PABPC4L: variants seen among roughly 807,000 people sequenced by gnomAD.
PABPC4L encodes the protein poly(A) binding protein cytoplasmic 4 like.
For missense variants in PABPC4L, 452 were observed against 451.4 expected (o/e 1.00, Z -0.01); for synonymous variants, 169 against 164.1 (o/e 1.03, Z -0.23).
At chr4:134,039,960 T>C in the PABPC4L span, among the ~76,000 whole-genome samples, 1 of 151,968 alleles carries the variant, frequency 6.6e-6, no homozygotes, top group African/African-American at 2.4e-5. Flanking sequence ...TGAGCTCCCT[T>C]TCACAATTGC....
chr4:134,052,910 A>G, the PABPC4L span, among the ~76,000 whole-genome samples: 1 of 152,128 alleles, frequency 6.6e-6, no homozygotes, highest in Non-Finnish European at 1.5e-5. Flanking sequence ...TTGGTGTTAC[A>G]TAAAACCTAA....
the PABPC4L span, among the ~76,000 whole-genome samples, chr4:134,084,773 C>G: frequency 6.6e-6 from 1 of 152,080 alleles, no homozygotes; most frequent in African/African-American, 2.4e-5. Context: ...TGTTCAATGT[C>G]TCTGAGCCCT....
At chr4:134,091,721 A>G in the PABPC4L span, among the ~76,000 whole-genome samples, 1 of 151,870 alleles carries the variant, frequency 6.6e-6, no homozygotes, top group Admixed American at 6.6e-5. Flanking sequence ...TAAAATCAGA[A>G]TTGGATGTTA....
the PABPC4L span, among the ~76,000 whole-genome samples, chr4:134,139,724 T>A: frequency 6.6e-6 from 1 of 151,788 alleles, no homozygotes; most frequent in East Asian, 1.9e-4. Flanking sequence ...GACAACACTT[T>A]GCTATGCCCA....
At chr4:134,173,159 C>CA in the PABPC4L span, among the ~76,000 whole-genome samples, 29,659 of 77,830 alleles carry the variant, frequency 0.38, 6,372 homozygotes, top group East Asian at 0.89. Flanking sequence ...GGAGATTCCT[C>CA]AAAAAAAAAA....
At chr4:134,028,770 C>T in the PABPC4L span, among the ~76,000 whole-genome samples, 1 of 152,130 alleles carries the variant, frequency 6.6e-6, no homozygotes, top group Non-Finnish European at 1.5e-5. Context: ...TGCAAACTCT[C>T]ATTAGCACTC....
the PABPC4L span, among the ~76,000 whole-genome samples, chr4:133,997,404 T>G: frequency 6.6e-6 from 1 of 151,996 alleles, no homozygotes. Context: ...CTCATGAAGA[T>G]GTACAATAAG....
chr4:134,137,747 C>T, the PABPC4L span, among the ~76,000 whole-genome samples: 1 of 151,870 alleles, frequency 6.6e-6, no homozygotes, highest in African/African-American at 2.4e-5. Context: ...TTCCATCCTA[C>T]ATTCTTTCTA....
chr4:134,065,353 G>T, the PABPC4L span, among the ~76,000 whole-genome samples: 3 of 151,878 alleles, frequency 2.0e-5, no homozygotes, highest in Admixed American at 6.6e-5. Context: ...TAGTGATGTT[G>T]AGCATTTTTT....
chr4:134,199,149 T>A lies in PABPC4L; in HGVS notation c.*758A>T, dbSNP rs1578883721. 1 of 152,142 alleles carries A rather than the reference T, an allele frequency of 6.6e-6. No homozygotes were observed. The highest frequency in any genetic ancestry group is 1.9e-4 in the East Asian group (1 of 5,190). 9.4% of individuals were successfully genotyped at this position (152,142 alleles called of 1,614,324 possible). A position where few individuals can be genotyped will look rare whatever the true frequency, so the allele number is the denominator to read the frequency against. ...CCAGGCCAACTTTGGATCACCTGAGTTGATAACAGATTTATAACTTAAGGA... is the reference window on the plus strand; with the variant it reads ...CCAGGCCAACTTTGGATCACCTGAGATGATAACAGATTTATAACTTAAGGA... On this transcript the variant is annotated 3_prime_UTR_variant, in exon 2 of 2. Coordinates refer to ENST00000421491, the MANE Select transcript of PABPC4L (RefSeq NM_001114734.2).
chr4:134,171,454 C>T, the PABPC4L span, among the ~76,000 whole-genome samples: 2 of 152,030 alleles, frequency 1.3e-5, no homozygotes, highest in Admixed American at 1.3e-4. Flanking sequence ...TGTACTTTGC[C>T]CACTTTTAAA....
the PABPC4L span, among the ~76,000 whole-genome samples, chr4:134,049,415 A>G: frequency 6.6e-6 from 1 of 152,160 alleles, no homozygotes; most frequent in African/African-American, 2.4e-5. Flanking sequence ...AAAGCATACA[A>G]TTGAGGAAAA....
the PABPC4L span, among the ~76,000 whole-genome samples, chr4:134,043,871 A>G: frequency 1.3e-5 from 2 of 151,888 alleles, no homozygotes; most frequent in South Asian, 2.1e-4. Flanking sequence ...ATTAAGGTTT[A>G]TTGATAGTTC....
the PABPC4L span, among the ~76,000 whole-genome samples, chr4:133,998,760 T>C: frequency 1.3e-5 from 2 of 151,860 alleles, no homozygotes; most frequent in Non-Finnish European, 1.5e-5. Context: ...AATGTTGGCA[T>C]GGAGTTGGAT....
the PABPC4L span, among the ~76,000 whole-genome samples, chr4:134,142,157 T>G: frequency 6.6e-6 from 1 of 151,732 alleles, no homozygotes; most frequent in South Asian, 2.1e-4. Flanking sequence ...TAGTCCCAAG[T>G]TTTTCAAAGA....
chr4:134,087,819 C>G, the PABPC4L span, among the ~76,000 whole-genome samples: 2 of 152,274 alleles, frequency 1.3e-5, no homozygotes, highest in African/African-American at 4.8e-5. Flanking sequence ...CCTTTTCCCT[C>G]TGGCCTCTCG....
the PABPC4L span, among the ~76,000 whole-genome samples, chr4:134,043,358 C>A: frequency 1.3e-5 from 2 of 152,064 alleles, no homozygotes; most frequent in Non-Finnish European, 2.9e-5. Context: ...AGAATAATAA[C>A]TGGAACGATA....
the PABPC4L span, among the ~76,000 whole-genome samples, chr4:134,098,316 A>G: frequency 2.0e-5 from 3 of 151,796 alleles, no homozygotes; most frequent in Non-Finnish European, 4.4e-5. Context: ...ATTTACAAAA[A>G]ATATGATTTT....
chr4:134,025,479 G>A, the PABPC4L span, among the ~76,000 whole-genome samples: 1 of 151,990 alleles, frequency 6.6e-6, no homozygotes, highest in Non-Finnish European at 1.5e-5. Flanking sequence ...CTTAAACCAG[G>A]AGCTGTGTAT....
Sources: gnomAD v4.1 joint callset for allele counts (sites outside exome capture counted in the v4.1 genomes callset) on GRCh38, gnomAD v4.1.1 for gene constraint, MANE v1.5 for transcripts, NCBI Gene and HGNC (gene_info 2026-07-23, HGNC 2026-07-21) for gene names.